WDFY3: variants seen among roughly 807,000 people sequenced by gnomAD.
The protein encoded by WDFY3 is WD repeat and FYVE domain containing 3.
A neutral mutation model predicts 409.6 loss-of-function variants in WDFY3; 66 were observed. The ratio of observed to expected loss-of-function variants is 0.16; its 90% CI spans 0.13 to 0.20. WDFY3 has a LOEUF of 0.20. Among genes scored for constraint, WDFY3 ranks in the 10% least tolerant of loss-of-function variants. WDFY3 has a pLI of 1.00. For missense variants in WDFY3, 3,031 were observed against 4,298.1 expected (o/e 0.71, Z 8.24); for synonymous variants, 1,521 against 1,537.1 (o/e 0.99, Z 0.25).
intron 55 of WDFY3, among the ~76,000 whole-genome samples, chr4:84,703,124 A>C (rs940286669): frequency 2.0e-5 from 3 of 152,148 alleles, no homozygotes; most frequent in Non-Finnish European, 2.9e-5. Flanking sequence ...CAAACAAGAA[A>C]TATGAGTTCT....
chr4:84,727,719 A>C (rs1366430975), intron 44 of WDFY3, among the ~76,000 whole-genome samples: 5 of 152,144 alleles, frequency 3.3e-5, no homozygotes, highest in Admixed American at 1.3e-4. Flanking sequence ...TCTGGTGATG[A>C]CTTCTGGTAC....
intron 51 of WDFY3, among the ~76,000 whole-genome samples, chr4:84,710,509 T>G (rs1560573477): frequency 6.6e-6 from 1 of 152,218 alleles, no homozygotes; most frequent in Non-Finnish European, 1.5e-5. Flanking sequence ...GAGAGGAAAT[T>G]AATACATTTG....
chr4:84,964,399 T>C (rs1466022494), intron 1 of WDFY3, among the ~76,000 whole-genome samples: 1 of 152,102 alleles, frequency 6.6e-6, no homozygotes, highest in East Asian at 1.9e-4. Context: ...GGCCCAGAAG[T>C]TCAAGGCTGC....
intron 30 of WDFY3, among the ~76,000 whole-genome samples, chr4:84,767,918 T>TA (rs35173715): frequency 6.6e-6 from 1 of 151,868 alleles, no homozygotes; most frequent in African/African-American, 2.4e-5. Flanking sequence ...ACCCTGTCTC[T>TA]AAAAAAATGA....
At chr4:84,876,430 A>G (rs140499280) in intron 3 of WDFY3, among the ~76,000 whole-genome samples, 145 of 152,352 alleles carry the variant, frequency 9.5e-4, no homozygotes, top group African/African-American at 3.3e-3. Context: ...GAAAAAAAGA[A>G]TAATTATCAG....
chr4:84,964,450 C>T (rs1473449556), intron 1 of WDFY3, among the ~76,000 whole-genome samples: 1 of 152,230 alleles, frequency 6.6e-6, no homozygotes, highest in Non-Finnish European at 1.5e-5. Flanking sequence ...GCCTGGGCAA[C>T]AGGGCAAGAC....
intron 21 of WDFY3, among the ~76,000 whole-genome samples, 159 bp from the exon 22 acceptor site, chr4:84,790,066 C>T (rs965766423): frequency 1.3e-5 from 2 of 151,912 alleles, no homozygotes; most frequent in Non-Finnish European, 2.9e-5. Flanking sequence ...AATGATAATG[C>T]GGGTTGGGCA....
At chr4:84,797,392 A>G (rs1749644295) in intron 18 of WDFY3, among the ~76,000 whole-genome samples, 1 of 152,128 alleles carries the variant, frequency 6.6e-6, no homozygotes, top group Admixed American at 6.5e-5. Context: ...TACAAATGTA[A>G]TGAAGAAAAT....
intron 24 of WDFY3, 77 bp downstream of exon 24, chr4:84,785,902 G>T: frequency 6.6e-7 from 1 of 1,504,234 alleles, no homozygotes; most frequent in Non-Finnish European, 9.1e-7. Flanking sequence ...TCATAATTGA[G>T]TAGTATCCAT....
intron 3 of WDFY3, among the ~76,000 whole-genome samples, chr4:84,868,785 A>G (rs1479134604): frequency 6.6e-6 from 1 of 152,176 alleles, no homozygotes; most frequent in Non-Finnish European, 1.5e-5. Context: ...TGCAACCACT[A>G]ATAGAAGCCC....
chr4:84,757,863 A>C (rs1175515198), intron 32 of WDFY3, among the ~76,000 whole-genome samples: 18 of 152,338 alleles, frequency 1.2e-4, no homozygotes, highest in Non-Finnish European at 1.0e-4. Flanking sequence ...TAAGTAAAAC[A>C]ATCTTTACTC....
At chr4:84,822,517 A>C (rs1301860974) in intron 10 of WDFY3, among the ~76,000 whole-genome samples, 1 of 151,826 alleles carries the variant, frequency 6.6e-6, no homozygotes, top group Non-Finnish European at 1.5e-5. Flanking sequence ...TAGCAAGACC[A>C]CCTCCATTTC....
At chr4:84,762,698 AT>A (rs1297060330) in intron 32 of WDFY3, among the ~76,000 whole-genome samples, 1 of 152,162 alleles carries the variant, frequency 6.6e-6, no homozygotes, top group Non-Finnish European at 1.5e-5. Context: ...CTGTAAAATT[AT>A]TGTTTTCTTT....
At position 84,801,698 on chromosome 4, in the gene WDFY3, C is replaced by T. The variant is rs780780270; in HGVS notation, c.2774G>A (p.Arg925Gln). Residue 925 changes from arginine (R) to glutamine (Q), a missense_variant, in exon 17 of 68, where the codon CGG (arginine) becomes CAG (glutamine). Arg to Gln is a conservative substitution (Grantham distance 43). This residue lies in a region of WDFY3 where 1,322 missense variants were observed against 1,697.9 expected (regional missense o/e 0.78). Coordinates refer to ENST00000295888, the MANE Select transcript of WDFY3 (RefSeq NM_014991.6). ...CTGAGAGGCTAATCGTTCAAACATC[C>T]GCTGCAGGGGCGGGTGCAGTGAGTG... ...EDHSLHPPLQ[R>Q]MFERLASQAL... 2.8e-5 allele frequency: 45 copies of T among 1,612,350 alleles called. No homozygotes were observed. Among genetic ancestry groups the T allele is most frequent in the South Asian group, 1.8e-4 (16 of 91,000 alleles).
intron 1 of WDFY3, among the ~76,000 whole-genome samples, chr4:84,956,509 T>G (rs939504188): frequency 2.0e-5 from 3 of 152,198 alleles, no homozygotes; most frequent in Non-Finnish European, 2.9e-5. Context: ...ACTAATCTTT[T>G]ATAGGTAGTA....
chr4:84,835,785 T>C (rs1756487476), intron 7 of WDFY3, among the ~76,000 whole-genome samples: 1 of 152,148 alleles, frequency 6.6e-6, no homozygotes. Flanking sequence ...GTTCTCTCTA[T>C]TCGCTTCCTA....
intron 13 of WDFY3, among the ~76,000 whole-genome samples, chr4:84,812,476 T>A (rs1640741950): frequency 6.6e-6 from 1 of 152,102 alleles, no homozygotes; most frequent in African/African-American, 2.4e-5. Flanking sequence ...TTAACCTTTC[T>A]GTGTCACAGT....
chr4:84,695,699 G>A (rs1452833971), intron 58 of WDFY3, among the ~76,000 whole-genome samples: 1 of 152,070 alleles, frequency 6.6e-6, no homozygotes, highest in African/African-American at 2.4e-5. Flanking sequence ...TGGCCTATAA[G>A]GCCCCTCCTG....
chr4:84,884,927 C>T (rs573677835), intron 3 of WDFY3, among the ~76,000 whole-genome samples: 13 of 152,134 alleles, frequency 8.5e-5, no homozygotes, highest in African/African-American at 1.4e-4. Flanking sequence ...TACGGAGGTG[C>T]GTTCAAAATG....
Sources: allele counts gnomAD v4.1 joint callset (sites outside exome capture counted in the v4.1 genomes callset), GRCh38; gene constraint gnomAD v4.1.1; regional missense constraint gnomAD v4.1.1; transcripts MANE v1.5; gene names NCBI Gene and HGNC (gene_info 2026-07-23, HGNC 2026-07-21).